Variants in NFIA observed in about 807,000 individuals in gnomAD.
NFIA encodes nuclear factor 1 A-type.
Under a neutral mutation model 62.8 loss-of-function variants are expected in NFIA, and 8 were observed. That is an observed-to-expected ratio of 0.13 (90% confidence interval 0.07 to 0.23). The LOEUF is 0.23. NFIA is among the 10% of genes least tolerant of loss of function. NFIA has a pLI of 1.00. For synonymous variants in NFIA, 235 were observed against 238.1 expected (o/e 0.99, Z 0.12); for missense variants, 410 against 642.1 (o/e 0.64, Z 3.91).
At chr1:61,335,602 G>T (rs1661561135) in intron 4 of NFIA, among the ~76,000 whole-genome samples, 1 of 152,140 alleles carries the variant, frequency 6.6e-6, no homozygotes, top group South Asian at 2.1e-4. Context: ...CAGCACTTTG[G>T]GAGGCCAAGG....
intron 2 of NFIA, among the ~76,000 whole-genome samples, chr1:61,263,429 C>T (rs1656896954): frequency 6.6e-6 from 1 of 152,118 alleles, no homozygotes; most frequent in Non-Finnish European, 1.5e-5. Flanking sequence ...CAGGGCATGA[C>T]GGGCAGGTAG....
intron 2 of NFIA, among the ~76,000 whole-genome samples, chr1:61,205,007 A>G (rs971645598): frequency 2.0e-5 from 3 of 152,342 alleles, no homozygotes; most frequent in African/African-American, 7.2e-5. Flanking sequence ...GACTAGGAAC[A>G]TGCTAGTATA....
chr1:61,388,963 A>T (rs1300613542), intron 7 of NFIA, among the ~76,000 whole-genome samples: 3 of 152,010 alleles, frequency 2.0e-5, no homozygotes, highest in Non-Finnish European at 2.9e-5. Context: ...AACTTTTTAA[A>T]ATTAGGAGAG....
intron 3 of NFIA, among the ~76,000 whole-genome samples, chr1:61,286,221 A>G (rs914626712): frequency 6.6e-6 from 1 of 151,718 alleles, no homozygotes; most frequent in Non-Finnish European, 1.5e-5. Context: ...AGGTCAGGGG[A>G]TTGAGACCAT....
At chr1:61,121,790 CCT>C (rs1442438005) in intron 2 of NFIA, among the ~76,000 whole-genome samples, 32 of 152,122 alleles carry the variant, frequency 2.1e-4, no homozygotes, top group African/African-American at 7.5e-4. Flanking sequence ...CTAGCTGGAC[CCT>C]GGTGGTGATA....
chr1:61,128,733 TGAA>T (rs1272118581), intron 2 of NFIA, among the ~76,000 whole-genome samples: 32 of 152,150 alleles, frequency 2.1e-4, no homozygotes, highest in African/African-American at 6.7e-4. Context: ...TTCATGGACA[TGAA>T]ATGGACATTA....
intron 2 of NFIA, among the ~76,000 whole-genome samples, chr1:61,263,710 A>G (rs1656918903): frequency 6.6e-6 from 1 of 152,128 alleles, no homozygotes; most frequent in South Asian, 2.1e-4. Flanking sequence ...AACAAATAGC[A>G]TTGGCTGGGC....
At chr1:61,113,231 A>T (rs929081901) in intron 2 of NFIA, among the ~76,000 whole-genome samples, 3 of 151,936 alleles carry the variant, frequency 2.0e-5, no homozygotes, top group African/African-American at 7.3e-5. Context: ...GTCATCCTAG[A>T]TATACAGTGT....
At chr1:61,081,906 T>C (rs1646100189), upstream of NFIA, 1 of 1,547,812 alleles carries the variant, frequency 6.5e-7, no homozygotes, top group Non-Finnish European at 8.7e-7. Context: ...GAAAAAAAGT[T>C]ACCTAGGAGG....
intron 2 of NFIA, among the ~76,000 whole-genome samples, chr1:61,168,228 C>T (rs1649715460): frequency 6.6e-6 from 1 of 152,048 alleles, no homozygotes; most frequent in Admixed American, 6.5e-5. Context: ...GTGCAAAGAC[C>T]AGTTGTGATT....
In NFIA at chr1:61,226,525, T is replaced by G. The variant is rs184121326; in HGVS notation, c.560-50995T>G. Among the ~76,000 whole-genome samples, 21 of 152,342 alleles carry G rather than the reference T, an allele frequency of 1.4e-4. No homozygotes were observed. The East Asian group carries it at 3.5e-3, about 25-fold the overall frequency. On this transcript the variant is annotated intron_variant, in intron 2 of 10. Coordinates refer to ENST00000403491, the MANE Select transcript of NFIA (RefSeq NM_001134673.4). ...TTCTCAGGGATTGCAGGGGTCATTT[T>G]AACCCCCATGAACCTGAAAGGTCCA...
At chr1:61,241,355 T>C (rs541922070) in intron 2 of NFIA, among the ~76,000 whole-genome samples, 2 of 152,294 alleles carry the variant, frequency 1.3e-5, no homozygotes, top group East Asian at 3.9e-4. Flanking sequence ...TTTCGTGCAA[T>C]GTATTTAAGT....
upstream of NFIA, chr1:61,077,639 C>T (rs138183370): frequency 3.3e-5 from 47 of 1,415,912 alleles, no homozygotes; most frequent in Admixed American, 3.7e-4. Flanking sequence ...GTACGTGGTA[C>T]ATCTTAAACT....
rs536211089 is a variant in NFIA, at chr1:61,350,673, T to C, written c.701-1777T>C. On this transcript the variant is annotated intron_variant, in intron 4 of 10. Coordinates refer to ENST00000403491, the MANE Select transcript of NFIA (RefSeq NM_001134673.4). Reference sequence around the variant, plus strand: ...AAGAAAGAAAAACCTGCCAGATCCTTCATAACCTCACCTTAACCATCCTTC... The same window carrying C: ...AAGAAAGAAAAACCTGCCAGATCCTCCATAACCTCACCTTAACCATCCTTC... Among the ~76,000 whole-genome samples the C allele has an allele frequency of 3.6e-3, 553 of 152,240 alleles. 3 individuals are homozygous for C. The highest frequency in any genetic ancestry group is 0.012 in the African/African-American group (519 of 41,550).
intron 3 of NFIA, among the ~76,000 whole-genome samples, chr1:61,292,648 A>C (rs557837105): frequency 6.6e-6 from 1 of 152,310 alleles, no homozygotes; most frequent in South Asian, 2.1e-4. Context: ...GATAAAGGCT[A>C]TGCAAGAAGC....
intron 3 of NFIA, among the ~76,000 whole-genome samples, chr1:61,280,284 G>C (rs1209588859): frequency 6.6e-6 from 1 of 152,164 alleles, no homozygotes; most frequent in Non-Finnish European, 1.5e-5. Context: ...ATTACCTCAG[G>C]ATATGAAGAT....
At chr1:61,246,758 G>A (rs1655675162) in intron 2 of NFIA, among the ~76,000 whole-genome samples, 1 of 152,170 alleles carries the variant, frequency 6.6e-6, no homozygotes, top group Admixed American at 6.5e-5. Context: ...TTGTTAACGT[G>A]TACCGAGTAC....
chr1:61,153,172 G>T (rs1426612424), intron 2 of NFIA, among the ~76,000 whole-genome samples: 1 of 152,220 alleles, frequency 6.6e-6, no homozygotes, highest in Non-Finnish European at 1.5e-5. Context: ...CCGGCACAGT[G>T]TTTTCAAACA....
intron 2 of NFIA, among the ~76,000 whole-genome samples, chr1:61,234,359 C>T (rs1417158812): frequency 1.9e-5 from 2 of 105,458 alleles, no homozygotes; most frequent in East Asian, 2.8e-4. Flanking sequence ...AAGAGTGAAA[C>T]GCCATCTCAA....
Sources: allele counts gnomAD v4.1 joint callset (sites outside exome capture counted in the v4.1 genomes callset), GRCh38; gene constraint gnomAD v4.1.1; transcripts MANE v1.5; gene names NCBI Gene and HGNC (gene_info 2026-07-23, HGNC 2026-07-21).